Variants in LRFN2 observed in about 807,000 individuals in gnomAD.
The protein encoded by LRFN2 is leucine-rich repeat and fibronectin type-III domain-containing protein 2.
Under a neutral mutation model 37.3 loss-of-function variants are expected in LRFN2, and 18 were observed. The observed-to-expected ratio is 0.48, with a 90% CI of 0.33 to 0.72. The LOEUF (loss-of-function observed/expected upper bound fraction) is 0.72. Among genes scored for constraint, LRFN2 ranks in the 30% least tolerant of loss-of-function variants. LRFN2 has a pLI of 0.02. For missense variants in LRFN2, 1,006 were observed against 1,060.7 expected (o/e 0.95, Z 0.72); for synonymous variants, 556 against 466.6 (o/e 1.19, Z -2.47).
At chr6:40,420,587 T>G (rs1407881924) in intron 2 of LRFN2, among the ~76,000 whole-genome samples, 2 of 152,250 alleles carry the variant, frequency 1.3e-5, no homozygotes, top group Non-Finnish European at 1.5e-5. Context: ...TGCAGCTCTG[T>G]GGCCATCATA....
chr6:40,444,393 T>C (rs1202200309), intron 1 of LRFN2, among the ~76,000 whole-genome samples: 6 of 152,218 alleles, frequency 3.9e-5, no homozygotes, highest in Non-Finnish European at 7.3e-5. Context: ...TTGCCATTTA[T>C]AGAACCCAGC....
intron 2 of LRFN2, among the ~76,000 whole-genome samples, chr6:40,414,676 A>G (rs193148470): frequency 6.6e-6 from 1 of 152,370 alleles, no homozygotes; most frequent in East Asian, 1.9e-4. Context: ...TCGGACACGC[A>G]AAATTTGTTA....
At chr6:40,465,974 G>A (rs1764452576) in intron 1 of LRFN2, among the ~76,000 whole-genome samples, 1 of 152,178 alleles carries the variant, frequency 6.6e-6, no homozygotes, top group South Asian at 2.1e-4. Flanking sequence ...GGTGACAGAA[G>A]GCAATCCTCT....
chr6:40,555,088 T>C (rs975260296), intron 1 of LRFN2, among the ~76,000 whole-genome samples: 2 of 152,192 alleles, frequency 1.3e-5, no homozygotes, highest in African/African-American at 4.8e-5. Context: ...TTTCCCTGGG[T>C]AAGATGTTCT....
intron 1 of LRFN2, among the ~76,000 whole-genome samples, chr6:40,513,234 AT>A (rs199587651): frequency 0.056 from 8,139 of 144,230 alleles, 618 homozygotes; most frequent in African/African-American, 0.17. Context: ...TCATTTAACA[AT>A]TTTTTTTTTT....
Position 40,508,699 on chromosome 6 carries a change from T to C in LRFN2, c.-18-75568A>G, listed in dbSNP as rs146214186. 3.0e-4 allele frequency among the ~76,000 whole-genome samples: 45 copies of C among 152,350 alleles called. No individual in the cohort carries two copies. The East Asian group carries it at 6.2e-3, about 21-fold the overall frequency. On this transcript the variant is annotated intron_variant, in intron 1 of 2. Transcript: ENST00000338305. ...CATAGGTAGTAAAAGACTTAATACA[T>C]GTAAGACACATAAAGCTGTGCTTGG...
chr6:40,470,942 C>G (rs151103022), intron 1 of LRFN2, among the ~76,000 whole-genome samples: 1 of 152,182 alleles, frequency 6.6e-6, no homozygotes, highest in Non-Finnish European at 1.5e-5. Context: ...CCTCATCCTA[C>G]GGAGGATTGC....
intron 1 of LRFN2, among the ~76,000 whole-genome samples, chr6:40,579,416 G>T (rs1219053344): frequency 2.0e-5 from 3 of 152,166 alleles, no homozygotes; most frequent in Admixed American, 1.3e-4. Context: ...ATTTGGGTAA[G>T]ATGGTAAGAT....
At chr6:40,471,930 T>G (rs1378844783) in intron 1 of LRFN2, among the ~76,000 whole-genome samples, 1 of 152,184 alleles carries the variant, frequency 6.6e-6, no homozygotes, top group Non-Finnish European at 1.5e-5. Flanking sequence ...GGCCTATTTA[T>G]TCACACCTAT....
rs867585074 is a variant in LRFN2 at position 40,544,727 on chromosome 6, C to T, written c.-19+42214G>A. On this transcript the variant is annotated intron_variant, in intron 1 of 2. Coordinates refer to ENST00000338305, the MANE Select transcript of LRFN2 (RefSeq NM_020737.3). ...CAGTATAAAGGGATGGCCCATCTCCCGAATTCCAGCAGCGCTGAGGATAAC... is the reference window on the plus strand; with the variant it reads ...CAGTATAAAGGGATGGCCCATCTCCTGAATTCCAGCAGCGCTGAGGATAAC... Among the ~76,000 whole-genome samples, 3 of 152,300 alleles carry T rather than the reference C, an allele frequency of 2.0e-5. No individual in the cohort carries two copies. In the East Asian group the frequency reaches 5.8e-4, roughly 29 times the overall value.
chr6:40,499,700 G>A (rs1412377741), intron 1 of LRFN2, among the ~76,000 whole-genome samples: 3 of 152,094 alleles, frequency 2.0e-5, no homozygotes, highest in Admixed American at 6.5e-5. Context: ...GCCTGACACC[G>A]CATGAGACCA....
chr6:40,457,900 C>T (rs1764267826), intron 1 of LRFN2, among the ~76,000 whole-genome samples: 2 of 152,136 alleles, frequency 1.3e-5, no homozygotes, highest in African/African-American at 4.8e-5. Flanking sequence ...ATCATCCAGC[C>T]CCTTTCCTGT....
At chr6:40,490,632 C>T (rs1323787230) in intron 1 of LRFN2, among the ~76,000 whole-genome samples, 2 of 152,254 alleles carry the variant, frequency 1.3e-5, no homozygotes, top group African/African-American at 4.8e-5. Context: ...CCATGGCTGG[C>T]ACAGGCCACA....
intron 1 of LRFN2, among the ~76,000 whole-genome samples, chr6:40,574,990 C>G (rs1435626483): frequency 6.6e-6 from 1 of 152,190 alleles, no homozygotes; most frequent in Non-Finnish European, 1.5e-5. Flanking sequence ...GTGTCTGGGC[C>G]ATGGCAAGTA....
In LRFN2 at chr6:40,555,309, G is replaced by A. The variant is rs564265211; in HGVS notation, c.-19+31632C>T. Reference sequence around the variant, plus strand: ...GGCCCTAGGGGGATAGGCACCAGCTGAGGGTTGCGGTGGGGAGGCTGGGCC... The same window carrying A: ...GGCCCTAGGGGGATAGGCACCAGCTAAGGGTTGCGGTGGGGAGGCTGGGCC... On this transcript the variant is annotated intron_variant, in intron 1 of 2. Transcript: ENST00000338305. Among the ~76,000 whole-genome samples the A allele has an allele frequency of 7.1e-4, 108 of 152,290 alleles. 1 individual carries two copies. The highest frequency in any genetic ancestry group is 3.4e-3 in the Middle Eastern group (1 of 294).
intron 1 of LRFN2, among the ~76,000 whole-genome samples, chr6:40,554,128 G>A (rs1317593943): frequency 6.6e-6 from 1 of 152,164 alleles, no homozygotes; most frequent in Non-Finnish European, 1.5e-5. Context: ...ACAAGCTCCT[G>A]CCCTTACTCC....
chr6:40,483,957 G>A (rs1262346581), intron 1 of LRFN2, among the ~76,000 whole-genome samples: 1 of 152,172 alleles, frequency 6.6e-6, no homozygotes, highest in Non-Finnish European at 1.5e-5. Flanking sequence ...AGAGAGAATA[G>A]CCGCCTCTGT....
At chr6:40,472,726 C>T (rs1764627216) in intron 1 of LRFN2, among the ~76,000 whole-genome samples, 1 of 152,198 alleles carries the variant, frequency 6.6e-6, no homozygotes, top group Non-Finnish European at 1.5e-5. Context: ...ATTTGACATG[C>T]TGATACCCTT....
intron 1 of LRFN2, among the ~76,000 whole-genome samples, chr6:40,469,465 G>A (rs1241228928): frequency 6.6e-6 from 1 of 152,182 alleles, no homozygotes; most frequent in Non-Finnish European, 1.5e-5. Context: ...GAAAGGCCAC[G>A]AGCAGGGCTC....
Sources: gnomAD v4.1 joint callset for allele counts (sites outside exome capture counted in the v4.1 genomes callset) on GRCh38, gnomAD v4.1.1 for gene constraint, MANE v1.5 for transcripts, NCBI Gene and HGNC (gene_info 2026-07-23, HGNC 2026-07-21) for gene names.